Variants in ZNF439 observed in about 807,000 individuals in gnomAD.
ZNF439 encodes zinc finger protein 439.
A neutral mutation model predicts 47.3 loss-of-function variants in ZNF439; 40 were observed. The ratio of observed to expected loss-of-function variants is 0.85; its 90% CI spans 0.66 to 1.10. The LOEUF is 1.10. Ranked by LOEUF, ZNF439 falls within the 50% of genes least tolerant of loss-of-function variation. The pLI is 0.00. For synonymous variants in ZNF439, 171 were observed against 198.8 expected (o/e 0.86, Z 1.18); for missense variants, 556 against 601.1 (o/e 0.93, Z 0.78).
chr19:11,866,034 A>T (rs561516005), intron 1 of ZNF439, 171 bp from the exon 2 acceptor site: 2 of 1,454,714 alleles, frequency 1.4e-6, no homozygotes, highest in Non-Finnish European at 1.8e-6. Flanking sequence ...AAAAAAAAAA[A>T]TTGCTTTATG....
intron 1 of ZNF439, chr19:11,857,555 A>G (rs1170934142): frequency 6.6e-6 from 1 of 152,238 alleles, no homozygotes; most frequent in Non-Finnish European, 1.5e-5. Context: ...TTTTGCGGCT[A>G]CAGCCATGAG....
chr19:11,868,221 C>A lies in ZNF439; in HGVS notation c.1167C>A (p.Cys389Ter). 1 of 1,613,924 alleles carries A rather than the reference C, an allele frequency of 6.2e-7. No individual in the cohort carries two copies. The highest frequency in any genetic ancestry group is 8.5e-7 in the Non-Finnish European group (1 of 1,179,970). ...ACAGTGGAGAGAAACCGTATAAATG[C>A]AAGCAATGTGGTAAAGCCTTCACTC... The part of the protein sequence containing the change: ...KTHSGEKPYK[C>*]KQCGKAFTRS... Residue 389 changes from cysteine to a stop codon, truncating the protein, a stop_gained, in exon 4 of 4, where the codon TGC becomes TGA. Coordinates refer to ENST00000682736, the MANE Select transcript of ZNF439 (RefSeq NM_001348719.2). LOFTEE classifies it high-confidence loss of function.
At chr19:11,860,543 C>G (rs1455656020) in intron 1 of ZNF439, among the ~76,000 whole-genome samples, 2 of 152,194 alleles carry the variant, frequency 1.3e-5, no homozygotes, top group East Asian at 3.9e-4. Context: ...CCTCAAGTCC[C>G]TGTTCACGGC....
At chr19:11,856,660 A>C (rs1412054308) in intron 1 of ZNF439, 1 of 152,272 alleles carries the variant, frequency 6.6e-6, no homozygotes, top group Non-Finnish European at 1.5e-5. Context: ...CATGCTGACA[A>C]GTGGGACAGG....
Position 11,867,941 on chromosome 19 carries a change from G to T in ZNF439, c.887G>T (p.Ser296Ile), listed in dbSNP as rs774479766. Residue 296 changes from serine to isoleucine, a missense_variant, in exon 4 of 4, where the codon AGT (serine) becomes ATT (isoleucine). By Grantham distance (142) the Ser-to-Ile change is moderately radical. Transcript: ENST00000682736. ...AGATCCTGTCACAGACATGAAAGGA[G>T]TCACATGGGAGAGAAGGCTTATCAA... ...SPRSCHRHER[S>I]HMGEKAYQCK... is the part of the protein sequence containing the mutation. 11 of 1,613,948 alleles carry T rather than the reference G, an allele frequency of 6.8e-6. No homozygotes were observed. Among genetic ancestry groups the T allele is most frequent in the Middle Eastern group, 1.6e-4 (1 of 6,084 alleles).
chr19:11,862,680 A>G (rs1290281464), intron 1 of ZNF439, among the ~76,000 whole-genome samples: 2 of 152,090 alleles, frequency 1.3e-5, no homozygotes, highest in East Asian at 3.8e-4. Context: ...ATTTGGAAGT[A>G]TCAGTGTTTT....
At chr19:11,860,566 A>G (rs1185161866) in intron 1 of ZNF439, among the ~76,000 whole-genome samples, 1 of 152,184 alleles carries the variant, frequency 6.6e-6, no homozygotes, top group Non-Finnish European at 1.5e-5. Context: ...CCGCTTTGCC[A>G]TGAACCCTAC....
intron 1 of ZNF439, chr19:11,850,827 C>G (rs1266881098): frequency 1.3e-5 from 2 of 152,126 alleles, no homozygotes; most frequent in South Asian, 4.1e-4. Context: ...CTCAGGAGTT[C>G]GAGACCAGCC....
intron 1 of ZNF439, among the ~76,000 whole-genome samples, chr19:11,862,039 C>T (rs767342595): frequency 1.3e-5 from 2 of 152,060 alleles, no homozygotes; most frequent in African/African-American, 4.8e-5. Context: ...TTGAAGGTCT[C>T]GCAATAACTT....
Position 11,868,564 on chromosome 19 carries a change from T to TTA in ZNF439, c.1513_1514dup (p.Ter505TyrfsTer47), listed in dbSNP as rs1568263422. On this transcript the variant is annotated frameshift_variant, in exon 4 of 4. Coordinates refer to ENST00000682736, the MANE Select transcript of ZNF439 (RefSeq NM_001348719.2). LOFTEE classifies it high-confidence loss of function. Reference sequence around the variant, plus strand: ...TAAGAATGCACTCTGGAGAAAGACCTTATAAATATAAGATATATGGGAAAC... The same window carrying TTA: ...TAAGAATGCACTCTGGAGAAAGACCTTATATAAATATAAGATATATGGGAAAC... 1 of 1,603,000 alleles carries TTA rather than the reference T, an allele frequency of 6.2e-7. No individual in the cohort carries two copies. Among genetic ancestry groups the TTA allele is most frequent in the South Asian group, 1.1e-5 (1 of 89,828 alleles).
chr19:11,853,921 AC>A (rs1190594734), intron 1 of ZNF439, among the ~76,000 whole-genome samples: 2 of 152,128 alleles, frequency 1.3e-5, no homozygotes, highest in African/African-American at 2.4e-5. Context: ...GCAGGAATTC[AC>A]TCCAGACTTC....
chr19:11,866,748 A>T, intron 3 of ZNF439, 151 bp downstream of exon 3: 1 of 886,118 alleles, frequency 1.1e-6, no homozygotes, highest in Non-Finnish European at 1.6e-6. Context: ...TTTAAATGTG[A>T]TCAAGGCTGA....
chr19:11,866,561 T>C lies in ZNF439; in HGVS notation c.215T>C (p.Ile72Thr), dbSNP rs1599325930. Residue 72 changes from isoleucine (I) to threonine (T), a missense_variant, in exon 3 of 4, where the codon ATT becomes ACT. Ile to Thr is a moderately conservative substitution (Grantham distance 89). Transcript: ENST00000682736. The part of the protein sequence containing the change: ...SIGKKWKDQN[I>T]EYEYQNPRRN... ...GGAAAAAAGTGGAAAGACCAGAACA[T>C]TGAATATGAGTACCAAAACCCCAGG... The C allele has an allele frequency of 6.2e-7, 1 of 1,613,640 alleles. No individual in the cohort carries two copies. Among genetic ancestry groups the C allele is most frequent in the Non-Finnish European group, 8.5e-7 (1 of 1,179,716 alleles).
Position 11,848,934 on chromosome 19 carries a change from C to T in ZNF439, c.63+4C>T, listed in dbSNP as rs1263729696. ...TACATCTGAAAGCCGGGAAATGGTG[C>T]GTGTGCTGGCCGGGAGTGGTGCGAT... On this transcript the variant is annotated splice_donor_region_variant and intron_variant, in intron 1 of 3. Coordinates refer to ENST00000682736, the MANE Select transcript of ZNF439 (RefSeq NM_001348719.2). The T allele has an allele frequency of 9.6e-6, 15 of 1,561,186 alleles. No homozygotes were observed. Among genetic ancestry groups the T allele is most frequent in the Admixed American group, 3.4e-5 (2 of 58,106 alleles).
rs1976801353 is a variant in ZNF439 at position 11,869,177 on chromosome 19, A to G, written c.*608A>G. ...TGTAAGCAATGTGGCAAAAGCTTTC[A>G]CTTCTTCCAGTTCTTTTCAATATCA... On this transcript the variant is annotated 3_prime_UTR_variant, in exon 4 of 4. Coordinates refer to ENST00000682736, the MANE Select transcript of ZNF439 (RefSeq NM_001348719.2). The G allele has an allele frequency of 4.7e-6, 1 of 211,406 alleles. No individual in the cohort carries two copies. The allele number at this position is 211,406 out of a possible 1,614,324, so 13.1% of individuals were successfully genotyped here.
intron 1 of ZNF439, among the ~76,000 whole-genome samples, chr19:11,859,060 C>A (rs1976469547): frequency 6.6e-6 from 1 of 152,218 alleles, no homozygotes; most frequent in African/African-American, 2.4e-5. Context: ...CCCAACTCTT[C>A]TGTATACTTC....
chr19:11,861,589 G>A (rs563723319), intron 1 of ZNF439, among the ~76,000 whole-genome samples: 1 of 152,190 alleles, frequency 6.6e-6, no homozygotes, highest in Non-Finnish European at 1.5e-5. Flanking sequence ...ACACATGGCT[G>A]GTCAGCCAAT....
At position 11,868,328 on chromosome 19, in the gene ZNF439, G is replaced by C. The variant is rs771412929; in HGVS notation, c.1274G>C (p.Arg425Thr). The C allele has an allele frequency of 1.9e-6, 3 of 1,602,382 alleles. No individual in the cohort carries two copies. The highest frequency in any genetic ancestry group is 1.7e-6 in the Non-Finnish European group (2 of 1,170,644). Residue 425 changes from arginine to threonine, a missense_variant, in exon 4 of 4, where the codon AGA (arginine) becomes ACA (threonine). Coordinates refer to ENST00000682736, the MANE Select transcript of ZNF439 (RefSeq NM_001348719.2). ...TGTAAGCAATGTGGGAAAGCCTTCAGATCTGCCCCAAATCTTCAATTGCAT... is the reference window on the plus strand; with the variant it reads ...TGTAAGCAATGTGGGAAAGCCTTCACATCTGCCCCAAATCTTCAATTGCAT... ...YECKQCGKAF[R>T]SAPNLQLHGR...
intron 1 of ZNF439, 190 bp from the exon 2 acceptor site, chr19:11,866,015 C>G (rs1191074894): frequency 1.4e-6 from 2 of 1,413,312 alleles, no homozygotes; most frequent in African/African-American, 3.4e-5. Context: ...AATTCTGTCT[C>G]AAAAAAATAA....
Sources: allele counts gnomAD v4.1 joint callset (sites outside exome capture counted in the v4.1 genomes callset), GRCh38; gene constraint gnomAD v4.1.1; transcripts MANE v1.5; gene names NCBI Gene and HGNC (gene_info 2026-07-23, HGNC 2026-07-21).